The following SZT2 variants were observed in gnomAD, a reference collection of about 807,000 sequenced individuals.
SZT2 encodes the protein SZT2 subunit of KICSTOR complex.
Under a neutral mutation model 404.2 loss-of-function variants are expected in SZT2, and 216 were observed. That is an observed-to-expected ratio of 0.53 (90% CI 0.48 to 0.60). SZT2 has a LOEUF of 0.60. Ranked by LOEUF, SZT2 falls within the 20% of genes least tolerant of loss-of-function variation. SZT2 has a pLI of 0.00. For synonymous variants in SZT2, 1,693 were observed against 1,749.9 expected (o/e 0.97, Z 0.81); for missense variants, 3,857 against 4,459.2 (o/e 0.86, Z 3.85).
At position 43,423,172 on chromosome 1, in the gene SZT2, C is replaced by G; in HGVS notation, c.2111C>G (p.Pro704Arg). The G allele has an allele frequency of 6.3e-7, 1 of 1,597,548 alleles. No individual in the cohort carries two copies. Among genetic ancestry groups the G allele is most frequent in the Non-Finnish European group, 8.5e-7 (1 of 1,179,472 alleles). Residue 704 changes from proline (P) to arginine (R), a missense_variant, in exon 15 of 72, where the codon CCC becomes CGC. Pro to Arg is a moderately radical substitution (Grantham distance 103). Around this residue, in one of 7 missense-constraint regions of SZT2, gnomAD observed 1,725 missense variants for 1,881.0 expected, o/e 0.92. Transcript: ENST00000634258. ...CGGGTACAAAGCAAGGAGCCAACGC[C>G]CAAGGTGAAACGAAAAGGGCTAGGG... ...PHRVQSKEPT[P>R]KVKRKGLGGA...
intron 1 of SZT2, among the ~76,000 whole-genome samples, chr1:43,396,336 C>T (rs1204366636): frequency 6.6e-6 from 1 of 152,192 alleles, no homozygotes; most frequent in Non-Finnish European, 1.5e-5. Context: ...AATAGACTCT[C>T]GTTTGGCAGA....
chr1:43,404,488 C>T lies in SZT2; in HGVS notation c.436C>T (p.Gln146Ter). The change falls in exon 4 of 72, where the codon CAG (glutamine) becomes TAG (stop). Residue 146 changes from glutamine to a stop codon, truncating the protein, a stop_gained. Transcript: ENST00000634258. LOFTEE classifies it high-confidence loss of function. Reference sequence around the variant, plus strand: ...AGTGCCTGGATCTTGCATCGACTTCCAGCCTGAGATCTATGTAACTATCCA... The same window carrying T: ...AGTGCCTGGATCTTGCATCGACTTCTAGCCTGAGATCTATGTAACTATCCA... ...FRVPGSCIDF[Q>*]PEIYVTIQAY... The T allele has an allele frequency of 6.2e-7, 1 of 1,614,032 alleles. No individual in the cohort carries two copies.
intron 4 of SZT2, among the ~76,000 whole-genome samples, chr1:43,411,641 C>G (rs906412687): frequency 6.6e-6 from 1 of 152,054 alleles, no homozygotes; most frequent in Non-Finnish European, 1.5e-5. Flanking sequence ...AAGTGCTGAG[C>G]TCCAGCACTG....
chr1:43,432,828 C>CT (rs1297034920), intron 39 of SZT2, 29 bp downstream of exon 39: 1 of 1,611,888 alleles, frequency 6.2e-7, no homozygotes, highest in East Asian at 2.2e-5. Context: ...GTGAAGGACT[C>CT]TAAGCTGATG....
rs778044147 is a variant in SZT2 at position 43,420,332 on chromosome 1, C to T, written c.1261+9C>T. The T allele has an allele frequency of 1.9e-6, 3 of 1,574,184 alleles. No homozygotes were observed. Among genetic ancestry groups the T allele is most frequent in the Non-Finnish European group, 2.6e-6 (3 of 1,166,300 alleles). ...GGTCACACTGGCCAAAGGTAAGGGT[C>T]ATTAGGCCCTGCTGTAATCCCATAG... On this transcript the variant is annotated intron_variant, in intron 9 of 71. Coordinates refer to ENST00000634258, the MANE Select transcript of SZT2 (RefSeq NM_001365999.1). The surrounding 1 kb of genome is among the most constrained non-coding windows in gnomAD (Gnocchi z 5.1).
At chr1:43,449,791 G>T in intron 70 of SZT2, 1 of 480,166 alleles carries the variant, frequency 2.1e-6, no homozygotes, top group Non-Finnish European at 3.8e-6. Context: ...GGAGTCCCAG[G>T]ACAGGAGGCA....
At chr1:43,431,655 A>C in intron 35 of SZT2, 61 bp from the exon 36 acceptor site, 1 of 1,604,640 alleles carries the variant, frequency 6.2e-7, no homozygotes, top group Non-Finnish European at 8.5e-7. Context: ...CTAGTCCGGG[A>C]GTAAGGGGAT....
chr1:43,415,664 A>G (rs1651621057), intron 5 of SZT2, among the ~76,000 whole-genome samples: 1 of 152,184 alleles, frequency 6.6e-6, no homozygotes, highest in African/African-American at 2.4e-5. Context: ...ATATTTCATA[A>G]CAGTGATGGA....
rs142648563 is a variant in SZT2 at position 43,451,798 on chromosome 1, C to A, written c.*1318C>A. 1.6e-3 allele frequency: 2,502 copies of A among 1,614,056 alleles called. 1 individual carries two copies. Among genetic ancestry groups the A allele is most frequent in the Admixed American group, 3.8e-3 (230 of 60,016 alleles). ...CTGCGAAGTACCCCCTTCCACTTAC[C>A]ATTTGTAATTGGAGGTTGGGTCTTC... On this transcript the variant is annotated 3_prime_UTR_variant, in exon 72 of 72. Coordinates refer to ENST00000634258, the MANE Select transcript of SZT2 (RefSeq NM_001365999.1).
rs200771284 is a variant in SZT2 at position 43,431,759 on chromosome 1, G to A, written c.5132G>A (p.Arg1711Lys). ...GATGAGATGGTGGGGGCACTCCGAA[G>A]AGGGGGCATCCCACAGAGTCCTGCC... The part of the protein sequence containing the change: ...LEDEMVGALR[R>K]GGIPQSPALH... The change falls in exon 36 of 72, where the codon AGA (arginine) becomes AAA (lysine). Residue 1711 changes from arginine to lysine, a missense_variant. Physicochemically the swap from Arg to Lys is conservative, Grantham distance 26. Around this residue, in one of 7 missense-constraint regions of SZT2, gnomAD observed 1,725 missense variants for 1,881.0 expected, o/e 0.92. Coordinates refer to ENST00000634258, the MANE Select transcript of SZT2 (RefSeq NM_001365999.1). 7 of 1,614,250 alleles carry A rather than the reference G, an allele frequency of 4.3e-6. 1 individual carries two copies. In the Admixed American group the frequency reaches 6.7e-5, roughly 15 times the overall value.
intron 4 of SZT2, 174 bp downstream of exon 4, chr1:43,404,724 C>G: frequency 1.6e-6 from 1 of 618,620 alleles, no homozygotes; most frequent in Non-Finnish European, 2.7e-6. Flanking sequence ...AGAACCAGTT[C>G]CTCTGGACTT....
chr1:43,453,427 C>T lies in SZT2; in HGVS notation c.*2947C>T, dbSNP rs765384919. 1 of 1,561,988 alleles carries T rather than the reference C, an allele frequency of 6.4e-7. No homozygotes were observed. The highest frequency in any genetic ancestry group is 8.7e-7 in the Non-Finnish European group (1 of 1,152,176). On this transcript the variant is annotated 3_prime_UTR_variant, in exon 72 of 72. Transcript: ENST00000634258. The stretch of plus-strand genomic sequence containing the variant: ...CTTTGGCATACCGCACGGCCTGCTC[C>T]AGTCCCTCTCGGAAGGCCGCCTGTC...
In SZT2 at chr1:43,431,054, T is replaced by C. The variant is rs1653806813; in HGVS notation, c.4880T>C (p.Val1627Ala). The C allele has an allele frequency of 6.2e-7, 1 of 1,613,918 alleles. No individual in the cohort carries two copies. The highest frequency in any genetic ancestry group is 1.7e-5 in the Admixed American group (1 of 59,990). ...DVFMLTLPLE[V>A]ELPTASDPQH... Reference sequence around the variant, plus strand: ...TTCATGCTGACTTTGCCCCTGGAAGTGGAGCTCCCCACGGCCTCGGACCCT... The same window carrying C: ...TTCATGCTGACTTTGCCCCTGGAAGCGGAGCTCCCCACGGCCTCGGACCCT... Residue 1627 changes from valine to alanine, a missense_variant, in exon 33 of 72, where the codon GTG becomes GCG. Val to Ala is a moderately conservative substitution (Grantham distance 64). This residue lies in a region of SZT2 where 1,725 missense variants were observed against 1,881.0 expected (regional missense o/e 0.92). Transcript: ENST00000634258.
At chr1:43,416,677 A>C in intron 7 of SZT2, 36 bp downstream of exon 7, 2 of 1,483,240 alleles carry the variant, frequency 1.3e-6, no homozygotes, top group Non-Finnish European at 9.2e-7. Context: ...AGAGATATGG[A>C]ATATCTCACA....
chr1:43,430,898 CTG>C, intron 32 of SZT2, 49 bp from the exon 33 acceptor site: 1 of 1,589,982 alleles, frequency 6.3e-7, no homozygotes, highest in Non-Finnish European at 8.6e-7. Context: ...ATCTTGGAAT[CTG>C]TGCTTGTCTT....
intron 15 of SZT2, 96 bp downstream of exon 15, chr1:43,423,412 G>C: frequency 8.0e-7 from 1 of 1,253,010 alleles, no homozygotes; most frequent in Non-Finnish European, 1.1e-6. Flanking sequence ...TAGTATAGAG[G>C]TGTGGAGTGC....
chr1:43,398,456 A>C (rs983783949), intron 1 of SZT2, among the ~76,000 whole-genome samples: 2 of 152,184 alleles, frequency 1.3e-5, no homozygotes, highest in Non-Finnish European at 2.9e-5. Context: ...CCTTAACAAA[A>C]AAATTCTTTT....
intron 59 of SZT2, 35 bp from the exon 60 acceptor site, chr1:43,443,153 T>C: frequency 1.2e-6 from 2 of 1,613,918 alleles, no homozygotes; most frequent in Admixed American, 1.7e-5. Flanking sequence ...GGAGTGACAA[T>C]GCCTGGGGCT....
At chr1:43,408,993 G>A (rs1489446942) in intron 4 of SZT2, among the ~76,000 whole-genome samples, 7 of 152,172 alleles carry the variant, frequency 4.6e-5, no homozygotes, top group South Asian at 2.1e-4. Flanking sequence ...GAGGGCCACC[G>A]CAGGGACTGC....
Sources: allele counts gnomAD v4.1 joint callset (sites outside exome capture counted in the v4.1 genomes callset), GRCh38; gene constraint gnomAD v4.1.1; regional missense constraint gnomAD v4.1.1; non-coding constraint Gnocchi (gnomAD v3.1); transcripts MANE v1.5; gene names NCBI Gene and HGNC (gene_info 2026-07-23, HGNC 2026-07-21).